The following OGFOD2 variants were observed in gnomAD, a reference collection of about 807,000 sequenced individuals.
OGFOD2 encodes 2-oxoglutarate and iron dependent oxygenase domain containing 2, also known as 2-oxoglutarate and iron-dependent oxygenase domain-containing protein 2.
A neutral mutation model predicts 31.1 loss-of-function variants in OGFOD2; 34 were observed. That is an observed-to-expected ratio of 1.09 (90% CI 0.83 to 1.45). The LOEUF (loss-of-function observed/expected upper bound fraction) is 1.45, where lower values mean the gene tolerates loss of function less well. OGFOD2 is among the 40% of genes most tolerant of loss of function. The probability of loss-of-function intolerance (pLI) is 0.00; values close to 1 mark genes in which losing one functional copy is unlikely to be tolerated. For missense variants in OGFOD2, 537 were observed against 433.9 expected, an observed-to-expected ratio of 1.24 and a Z score of -2.11; for synonymous variants, 240 against 192.3, an observed-to-expected ratio of 1.25 and a Z score of -2.05.
chr12:122,977,414 ATG>A, intron 4 of OGFOD2: 1 of 219,962 alleles, frequency 4.5e-6, no homozygotes, highest in Non-Finnish European at 9.3e-6. Context: ...GCCTGCGGCC[ATG>A]CCAAACTCCA....
At chr12:122,977,663 T>A (rs532020416) in intron 4 of OGFOD2, 1 of 156,722 alleles carries the variant, frequency 6.4e-6, no homozygotes, top group Admixed American at 6.1e-5. Context: ...GTTTGGAAAG[T>A]GTTTCCTATT....
At chr12:122,979,204 T>G in exon 7 of OGFOD2, 1 of 1,612,242 alleles carries the variant, frequency 6.2e-7, no homozygotes, top group Non-Finnish European at 8.5e-7. Context: ...TGGAACCTTG[T>G]CGTCTGGCTC....
At chr12:122,978,822 C>T (rs775061426) in exon 6 of OGFOD2, 1 of 1,612,720 alleles carries the variant, frequency 6.2e-7, no homozygotes. Flanking sequence ...CCTGCAGCCG[C>T]TGATGGCCCT....
exon 5 of OGFOD2, chr12:122,978,465 C>T (rs2037497595): frequency 6.2e-7 from 1 of 1,613,602 alleles, no homozygotes; most frequent in East Asian, 2.2e-5. Flanking sequence ...CTACCGGGTG[C>T]CTGTTTTCAC....
rs532300846 is a variant in OGFOD2, at chr12:122,976,419, C to T, written c.190-235C>T. On this transcript the variant is annotated intron_variant, in intron 2 of 6. Coordinates refer to ENST00000228922, the Ensembl canonical transcript of OGFOD2. ...TGGTTGAGGTACATCTAGGGGTTCT[C>T]ATCCCAGCTAGGCTCAGGTTGGGGC... 4 of 1,613,188 alleles carry T rather than the reference C, an allele frequency of 2.5e-6. No individual in the cohort carries two copies. In the African/African-American group the frequency reaches 5.3e-5, roughly 21 times the overall value.
chr12:122,975,028 C>T, upstream of OGFOD2: 1 of 451,590 alleles, frequency 2.2e-6, no homozygotes. Flanking sequence ...TTAGTCCCTG[C>T]CTCGTAGTGG....
At chr12:122,977,962 C>T (rs1464582288) in intron 4 of OGFOD2, 1 of 158,622 alleles carries the variant, frequency 6.3e-6, no homozygotes, top group Non-Finnish European at 1.4e-5. Context: ...CATTCTCAGC[C>T]TGGTTTCTTC....
At chr12:122,978,812 C>A in exon 6 of OGFOD2, 1 of 1,612,416 alleles carries the variant, frequency 6.2e-7, no homozygotes, top group Non-Finnish European at 8.5e-7. Context: ...GGGAGCGCTT[C>A]CTGCAGCCGC....
At chr12:122,979,203 G>C (rs202245979) in exon 7 of OGFOD2, 261 of 1,612,202 alleles carry the variant, frequency 1.6e-4, no homozygotes, top group Non-Finnish European at 2.1e-4. Flanking sequence ...TTGGAACCTT[G>C]TCGTCTGGCT....
rs191996055 is a variant in OGFOD2, at chr12:122,975,987, T to C, written c.189+120T>C. The C allele has an allele frequency of 4.5e-5, 29 of 650,798 alleles. No homozygotes were observed. The East Asian group carries it at 8.0e-4, about 18-fold the overall frequency. 40.3% of individuals were successfully genotyped at this position (650,798 alleles called of 1,614,324 possible). On this transcript the variant is annotated intron_variant, in intron 2 of 6. Coordinates refer to ENST00000228922, the Ensembl canonical transcript of OGFOD2. ...TGAAGGGTCACTTAGGCCCTCACTT[T>C]CCTCCTTCCTGCCCCCCACTCATCC...
At chr12:122,979,194 T>C in exon 7 of OGFOD2, 1 of 1,612,194 alleles carries the variant, frequency 6.2e-7, no homozygotes, top group Non-Finnish European at 8.5e-7. Flanking sequence ...TGGTGAGCGT[T>C]GGAACCTTGT....
At chr12:122,975,634 A>T in intron 1 of OGFOD2, 177 bp from the exon 2 acceptor site, 1 of 610,174 alleles carries the variant, frequency 1.6e-6, no homozygotes, top group South Asian at 1.8e-5. Context: ...GCCGCCTCAC[A>T]GCAACACCAG....
At chr12:122,976,307 G>A (rs759750199) in intron 2 of OGFOD2, 1 of 1,468,724 alleles carries the variant, frequency 6.8e-7, no homozygotes. Context: ...TGGAGTCAGT[G>A]GTGGGAAGCT....
chr12:122,975,591 G>A, intron 1 of OGFOD2: 1 of 597,580 alleles, frequency 1.7e-6, no homozygotes, highest in Non-Finnish European at 3.0e-6. Flanking sequence ...GAACAAGCAT[G>A]TAGGGTGCTT....
chr12:122,975,534 C>T (rs1038954550), intron 1 of OGFOD2, 151 bp downstream of exon 1: 1 of 594,432 alleles, frequency 1.7e-6, no homozygotes, highest in African/African-American at 1.9e-5. Context: ...GGTTTTCTCA[C>T]CGTAAAGGGG....
At chr12:122,979,732 T>C (rs3759115) in exon 7 of OGFOD2, 129,806 of 223,428 alleles carry the variant, frequency 0.58, 43,141 homozygotes, top group Non-Finnish European at 0.71. Flanking sequence ...CAGACACTTA[T>C]CTCCAGGGCA....
At chr12:122,978,645 G>T in intron 5 of OGFOD2, 76 bp downstream of exon 5, 2 of 1,592,546 alleles carry the variant, frequency 1.3e-6, no homozygotes, top group South Asian at 2.2e-5. Flanking sequence ...CTGCAGATGG[G>T]CTGCCTGCCC....
upstream of OGFOD2, chr12:122,974,796 C>T (rs2037357317): frequency 6.5e-6 from 1 of 154,264 alleles, no homozygotes; most frequent in Non-Finnish European, 1.4e-5. Flanking sequence ...ATGCTAAATC[C>T]AAACTGAAAC....
At chr12:122,976,607 CAGG>C in intron 2 of OGFOD2, 44 bp from the exon 3 acceptor site, 2 of 1,413,988 alleles carry the variant, frequency 1.4e-6, no homozygotes, top group Non-Finnish European at 2.0e-6. Flanking sequence ...ACAGTGGCCT[CAGG>C]AGGATGGGAG....
Sources: allele counts gnomAD v4.1 joint callset, GRCh38; gene constraint gnomAD v4.1.1; transcripts MANE v1.5; gene names NCBI Gene and HGNC (gene_info 2026-07-23, HGNC 2026-07-21).